DLC1: variants seen among roughly 807,000 people sequenced by gnomAD.
DLC1 encodes the protein DLC1 Rho GTPase activating protein.
A neutral mutation model predicts 140.3 loss-of-function variants in DLC1; 54 were observed. The ratio of observed to expected loss-of-function variants is 0.38; its 90% CI spans 0.31 to 0.48. The LOEUF (loss-of-function observed/expected upper bound fraction) is 0.48, where lower values mean the gene tolerates loss of function less well. DLC1 is among the 20% of genes least tolerant of loss of function. The probability of loss-of-function intolerance (pLI) is 0.96; values close to 1 mark genes in which losing one functional copy is unlikely to be tolerated. For missense variants in DLC1, 2,536 were observed against 1,907.0 expected (o/e 1.33, Z -6.14); for synonymous variants, 986 against 728.1 (o/e 1.35, Z -5.70).
At chr8:13,219,385 T>TTATATAA (rs1828428627) in intron 5 of DLC1, among the ~76,000 whole-genome samples, 3 of 124,766 alleles carry the variant, frequency 2.4e-5, no homozygotes, top group East Asian at 4.5e-4. Flanking sequence ...TATAATTATA[T>TTATATAA]TTCATATAAT....
At chr8:13,460,600 G>A (rs894026181) in intron 2 of DLC1, among the ~76,000 whole-genome samples, 1 of 152,224 alleles carries the variant, frequency 6.6e-6, no homozygotes, top group East Asian at 1.9e-4. Flanking sequence ...GTAGTAGAGG[G>A]TTCCAGGAAA....
At chr8:13,279,201 T>G (rs1482733090) in intron 5 of DLC1, among the ~76,000 whole-genome samples, 2 of 152,128 alleles carry the variant, frequency 1.3e-5, no homozygotes, top group Admixed American at 6.5e-5. Flanking sequence ...CTATGGAAAT[T>G]AAAGGCAATG....
intron 5 of DLC1, among the ~76,000 whole-genome samples, chr8:13,216,967 T>C (rs1256984988): frequency 6.6e-6 from 1 of 152,128 alleles, no homozygotes; most frequent in African/African-American, 2.4e-5. Flanking sequence ...GGGCAGCATG[T>C]TTGTCTTTTG....
intron 1 of DLC1, among the ~76,000 whole-genome samples, chr8:13,602,492 C>T (rs1171073382): frequency 1.3e-5 from 2 of 151,594 alleles, no homozygotes; most frequent in Non-Finnish European, 3.0e-5. Context: ...TTTGTAAATA[C>T]TAAAATATTT....
At chr8:13,145,549 C>T (rs1019954448) in intron 5 of DLC1, among the ~76,000 whole-genome samples, 2 of 152,118 alleles carry the variant, frequency 1.3e-5, no homozygotes, top group African/African-American at 4.8e-5. Flanking sequence ...GAAACTGTTT[C>T]TTTAGAGAAA....
chr8:13,507,669 G>A (rs999136574), intron 1 of DLC1, among the ~76,000 whole-genome samples: 2 of 152,108 alleles, frequency 1.3e-5, no homozygotes, highest in Non-Finnish European at 2.9e-5. Context: ...ACATGTTAGT[G>A]GAAAACATGA....
At chr8:13,299,696 T>C (rs1330290164) in intron 5 of DLC1, among the ~76,000 whole-genome samples, 1 of 152,020 alleles carries the variant, frequency 6.6e-6, no homozygotes, top group Non-Finnish European at 1.5e-5. Flanking sequence ...TGAGGCTCCT[T>C]GCGGGAAACA....
intron 5 of DLC1, among the ~76,000 whole-genome samples, chr8:13,304,242 T>C (rs1229344183): frequency 6.6e-6 from 1 of 152,184 alleles, no homozygotes; most frequent in East Asian, 1.9e-4. Context: ...TTAATGCTTA[T>C]GATATTAGTA....
chr8:13,200,673 T>A (rs532293542), intron 5 of DLC1, among the ~76,000 whole-genome samples: 1 of 152,056 alleles, frequency 6.6e-6, no homozygotes, highest in African/African-American at 2.4e-5. Context: ...AGTACAGTCA[T>A]AAGTCGCTGC....
chr8:13,302,818 C>T (rs747844392), intron 5 of DLC1, among the ~76,000 whole-genome samples: 4 of 151,606 alleles, frequency 2.6e-5, no homozygotes, highest in Non-Finnish European at 4.4e-5. Context: ...GCCTTCATGG[C>T]CATTCCTCTG....
chr8:13,134,192 A>G (rs1385806152), intron 5 of DLC1, among the ~76,000 whole-genome samples: 1 of 152,258 alleles, frequency 6.6e-6, no homozygotes, highest in African/African-American at 2.4e-5. Flanking sequence ...AGCTAAATAT[A>G]GTTGCATTAA....
intron 2 of DLC1, among the ~76,000 whole-genome samples, chr8:13,413,849 A>G (rs1380890210): frequency 3.3e-5 from 5 of 152,112 alleles, no homozygotes; most frequent in Admixed American, 3.3e-4. Context: ...TTTCTTTATA[A>G]ATTACGCAGT....
chr8:13,154,694 C>T (rs950818644), intron 5 of DLC1, among the ~76,000 whole-genome samples: 2 of 152,186 alleles, frequency 1.3e-5, no homozygotes, highest in Admixed American at 6.5e-5. Flanking sequence ...CCAGAGTGGA[C>T]GCTGAGGCCT....
intron 4 of DLC1, among the ~76,000 whole-genome samples, chr8:13,306,994 G>A (rs1260433763): frequency 1.4e-5 from 2 of 139,348 alleles, no homozygotes; most frequent in Non-Finnish European, 3.0e-5. Context: ...TGAGGCAGGA[G>A]AACCTCTTGA....
At chr8:13,603,690 T>A (rs1478897663) in intron 1 of DLC1, among the ~76,000 whole-genome samples, 1 of 152,076 alleles carries the variant, frequency 6.6e-6, no homozygotes, top group Non-Finnish European at 1.5e-5. Flanking sequence ...ATGCAAGTGA[T>A]TTTAAATTAA....
At chr8:13,420,083 G>A (rs988760745) in intron 2 of DLC1, among the ~76,000 whole-genome samples, 68 of 151,996 alleles carry the variant, frequency 4.5e-4, no homozygotes, top group African/African-American at 1.1e-3. Flanking sequence ...TTTTTATTGC[G>A]TCTGTTTGAT....
intron 1 of DLC1, among the ~76,000 whole-genome samples, chr8:13,554,587 A>G (rs1216074240): frequency 2.6e-5 from 4 of 151,942 alleles, no homozygotes; most frequent in Non-Finnish European, 5.9e-5. Context: ...TCAGTTTCTC[A>G]TCCTTAACTT....
chr8:13,141,663 C>G (rs566372885), intron 5 of DLC1, among the ~76,000 whole-genome samples: 4 of 152,212 alleles, frequency 2.6e-5, no homozygotes, highest in Non-Finnish European at 5.9e-5. Flanking sequence ...TCGCTGCTAA[C>G]TACAGCATGA....
intron 1 of DLC1, among the ~76,000 whole-genome samples, chr8:13,535,351 A>T (rs940390922): frequency 2.0e-5 from 3 of 152,086 alleles, no homozygotes; most frequent in Non-Finnish European, 4.4e-5. Flanking sequence ...AACCAGAAAG[A>T]AGCAATTATA....
Sources: allele counts gnomAD v4.1 joint callset (sites outside exome capture counted in the v4.1 genomes callset), GRCh38; gene constraint gnomAD v4.1.1; transcripts MANE v1.5; gene names NCBI Gene and HGNC (gene_info 2026-07-23, HGNC 2026-07-21).